CDH12: variants seen among roughly 807,000 people sequenced by gnomAD.
CDH12 encodes cadherin-12.
A neutral mutation model predicts 74.1 loss-of-function variants in CDH12; 41 were observed. The ratio of observed to expected loss-of-function variants is 0.55; its 90% CI spans 0.43 to 0.72. CDH12 has a LOEUF of 0.72. CDH12 is among the 30% of genes least tolerant of loss of function. The pLI, the probability that CDH12 is intolerant of heterozygous loss-of-function variation, is 0.00. For synonymous variants in CDH12, 399 were observed against 355.0 expected, an observed-to-expected ratio of 1.12 and a Z score of -1.39; for missense variants, 945 against 977.2, an observed-to-expected ratio of 0.97 and a Z score of 0.44.
chr5:22,064,103 A>AAATAC (rs1741393877), intron 5 of CDH12, among the ~76,000 whole-genome samples: 1 of 152,080 alleles, frequency 6.6e-6, no homozygotes, highest in African/African-American at 2.4e-5. Flanking sequence ...AATGTTCAAT[A>AAATAC]AATACAGTCA....
intron 5 of CDH12, among the ~76,000 whole-genome samples, chr5:22,028,630 G>A (rs908616115): frequency 7.2e-5 from 11 of 152,080 alleles, no homozygotes; most frequent in African/African-American, 2.7e-4. Context: ...AGAAATGGAA[G>A]AACATACCAT....
chr5:22,564,939 T>A (rs1225135215), intron 1 of CDH12, among the ~76,000 whole-genome samples: 1 of 152,114 alleles, frequency 6.6e-6, no homozygotes, highest in Admixed American at 6.5e-5. Context: ...TTTCTTTGTT[T>A]TTTGTTTGTT....
intron 1 of CDH12, among the ~76,000 whole-genome samples, chr5:22,733,189 T>C (rs926120887): frequency 2.0e-5 from 3 of 151,918 alleles, no homozygotes; most frequent in African/African-American, 7.2e-5. Context: ...ATCTGAGTTA[T>C]TCACAGAGCT....
At chr5:22,586,362 T>C (rs1451181055) in intron 1 of CDH12, among the ~76,000 whole-genome samples, 1 of 151,920 alleles carries the variant, frequency 6.6e-6, no homozygotes, top group African/African-American at 2.4e-5. Flanking sequence ...TGAGGAGGGA[T>C]AGCATTAGGA....
At chr5:21,781,340 G>A (rs1745896389) in intron 11 of CDH12, among the ~76,000 whole-genome samples, 2 of 152,138 alleles carry the variant, frequency 1.3e-5, no homozygotes. Flanking sequence ...GGGACACCCA[G>A]AGCCCCCAAC....
At chr5:22,327,838 A>G (rs1362446460) in intron 3 of CDH12, among the ~76,000 whole-genome samples, 1 of 152,182 alleles carries the variant, frequency 6.6e-6, no homozygotes, top group Non-Finnish European at 1.5e-5. Context: ...TTGTCCTTTG[A>G]TCTCCCCATG....
intron 1 of CDH12, among the ~76,000 whole-genome samples, chr5:22,511,707 C>A (rs1344118537): frequency 6.6e-6 from 1 of 152,132 alleles, no homozygotes; most frequent in Non-Finnish European, 1.5e-5. Context: ...ATGCAGGTAA[C>A]CTGGACCGCA....
intron 2 of CDH12, among the ~76,000 whole-genome samples, chr5:22,484,878 C>A (rs1746525892): frequency 6.6e-6 from 1 of 151,930 alleles, no homozygotes. Context: ...AGAACAATAA[C>A]AACATATTAT....
At chr5:22,153,862 A>C (rs1176954138) in intron 4 of CDH12, among the ~76,000 whole-genome samples, 1 of 88,766 alleles carries the variant, frequency 1.1e-5, no homozygotes, top group Non-Finnish European at 2.3e-5. Context: ...GTGTGTGTAT[A>C]TATATATATG....
intron 1 of CDH12, among the ~76,000 whole-genome samples, chr5:22,622,939 A>ATG (rs1561534741): frequency 6.6e-6 from 1 of 152,184 alleles, no homozygotes; most frequent in African/African-American, 2.4e-5. Context: ...CTGGCAAACC[A>ATG]AATCCAGCAG....
rs1023502559 is a variant in CDH12 at position 22,400,091 on chromosome 5, G to T, written c.-333+5166C>A. Among the ~76,000 whole-genome samples the T allele has an allele frequency of 2.0e-5, 3 of 152,244 alleles. No individual in the cohort carries two copies. The South Asian group carries it at 6.2e-4, about 32-fold the overall frequency. On this transcript the variant is annotated intron_variant, in intron 3 of 14. Transcript: ENST00000382254. ...TCTTCATTGGCATAACTAAGCATCA[G>T]TAACATATACTTCCCCCCTTTCTAG...
chr5:22,098,905 T>C (rs543515859), intron 4 of CDH12, among the ~76,000 whole-genome samples: 2 of 152,284 alleles, frequency 1.3e-5, no homozygotes, highest in South Asian at 2.1e-4. Flanking sequence ...GCCTGCCTCT[T>C]AGAACCTCTC....
chr5:22,044,145 T>C (rs760220442), intron 5 of CDH12, among the ~76,000 whole-genome samples: 112 of 151,882 alleles, frequency 7.4e-4, no homozygotes, highest in Non-Finnish European at 1.3e-3. Context: ...TTGAGCAAAA[T>C]GAACAAGCTG....
chr5:22,043,240 A>G (rs1739698533), intron 5 of CDH12, among the ~76,000 whole-genome samples: 1 of 152,334 alleles, frequency 6.6e-6, no homozygotes, highest in Non-Finnish European at 1.5e-5. Flanking sequence ...TTAAAGGATT[A>G]TTCACCGTGA....
chr5:22,847,162 C>T (rs1183743028), intron 1 of CDH12, among the ~76,000 whole-genome samples: 2 of 152,110 alleles, frequency 1.3e-5, no homozygotes, highest in Non-Finnish European at 2.9e-5. Flanking sequence ...CTAGATTTCT[C>T]ACTATAAGAC....
At chr5:22,771,197 T>C (rs1044220667) in intron 1 of CDH12, among the ~76,000 whole-genome samples, 69 of 152,234 alleles carry the variant, frequency 4.5e-4, no homozygotes, top group African/African-American at 1.6e-3. Flanking sequence ...TCATTCTCTG[T>C]CCCCAAGAGT....
chr5:21,833,223 G>GTTATATAACATAATATATATTATATA (rs1749252533), intron 8 of CDH12, among the ~76,000 whole-genome samples: 2 of 4,738 alleles, frequency 4.2e-4, no homozygotes, highest in Non-Finnish European at 6.3e-4. Context: ...TATATTATAT[G>GTTATATAACATAATATATATTATATA]TTATATAACA....
chr5:21,920,954 C>G (rs976675446), intron 6 of CDH12, among the ~76,000 whole-genome samples: 7 of 152,174 alleles, frequency 4.6e-5, no homozygotes, highest in African/African-American at 1.7e-4. Flanking sequence ...AAAACCTCCT[C>G]TGCAGCAGAT....
At chr5:22,572,599 T>C (rs1385939657) in intron 1 of CDH12, among the ~76,000 whole-genome samples, 1 of 152,084 alleles carries the variant, frequency 6.6e-6, no homozygotes, top group Admixed American at 6.6e-5. Flanking sequence ...CAAAGCTTGG[T>C]ATATTGGATT....
Sources: gnomAD v4.1 joint callset for allele counts (sites outside exome capture counted in the v4.1 genomes callset) on GRCh38, gnomAD v4.1.1 for gene constraint, MANE v1.5 for transcripts, NCBI Gene and HGNC (gene_info 2026-07-23, HGNC 2026-07-21) for gene names.